LCMT1: variants seen among roughly 807,000 people sequenced by gnomAD.
The protein encoded by LCMT1 is [Phosphatase 2A protein]-leucine-carboxy methyltransferase 1.
LCMT1 carries 32 observed loss-of-function variants against 47.7 expected under a neutral mutation model. That is an observed-to-expected ratio of 0.67 (90% CI 0.51 to 0.90). The LOEUF (loss-of-function observed/expected upper bound fraction) is 0.90. LCMT1 is among the 40% of genes least tolerant of loss of function. The pLI is 0.00. For synonymous variants in LCMT1, 152 were observed against 149.7 expected (o/e 1.02, Z -0.11); for missense variants, 375 against 415.2 (o/e 0.90, Z 0.84).
chr16:25,160,919 A>T, intron 5 of LCMT1, 183 bp from the exon 6 acceptor site: 3 of 640,278 alleles, frequency 4.7e-6, no homozygotes, highest in Non-Finnish European at 8.6e-6. Context: ...GAAATGTTAC[A>T]CACCAAAACA....
At chr16:25,142,986 GC>G (rs1048675784) in intron 4 of LCMT1, 3 of 152,132 alleles carry the variant, frequency 2.0e-5, no homozygotes, top group African/African-American at 7.2e-5. Flanking sequence ...CCCAGTAAGG[GC>G]CCTCCCATTT....
At chr16:25,118,884 G>A (rs189827794) in intron 1 of LCMT1, among the ~76,000 whole-genome samples, 29 of 152,266 alleles carry the variant, frequency 1.9e-4, no homozygotes, top group East Asian at 1.9e-4. Context: ...GGTCACTCGA[G>A]GGAGGCTCTT....
intron 6 of LCMT1, among the ~76,000 whole-genome samples, chr16:25,163,204 C>T (rs1365489421): frequency 1.3e-5 from 2 of 152,196 alleles, no homozygotes; most frequent in Non-Finnish European, 1.5e-5. Context: ...CACGGTGGCT[C>T]ACGCCTGTAA....
At chr16:25,136,511 G>A (rs1960509899) in intron 3 of LCMT1, among the ~76,000 whole-genome samples, 2 of 150,618 alleles carry the variant, frequency 1.3e-5, no homozygotes, top group African/African-American at 4.9e-5. Flanking sequence ...TGTGCAGAAT[G>A]TGCAGGTTTG....
rs73561398 is a variant in LCMT1 at position 25,118,507 on chromosome 16, T to C, written c.113+6511T>C. ...AGCCAAACACAGGATGCAGCTCTTA[T>C]GGAGCATTGGTTCCTGGAGTGGGGG... On this transcript the variant is annotated intron_variant, in intron 1 of 10. Coordinates refer to ENST00000399069, the MANE Select transcript of LCMT1 (RefSeq NM_016309.3). Among the ~76,000 whole-genome samples, 1,332 of 152,258 alleles carry C rather than the reference T, an allele frequency of 8.7e-3. 27 individuals are homozygous for C. Among genetic ancestry groups the C allele is most frequent in the African/African-American group, 0.031 (1,277 of 41,538 alleles).
At chr16:25,172,308 CAA>C (rs35753205) in intron 9 of LCMT1, among the ~76,000 whole-genome samples, 48 of 125,754 alleles carry the variant, frequency 3.8e-4, no homozygotes, top group African/African-American at 1.4e-3. Flanking sequence ...AACTCTGTCT[CAA>C]AAAAAAAAAA....
chr16:25,116,224 A>C (rs571223136), intron 1 of LCMT1, among the ~76,000 whole-genome samples: 4 of 152,284 alleles, frequency 2.6e-5, no homozygotes, highest in East Asian at 3.9e-4. Flanking sequence ...TACTGAAAGC[A>C]GGTGGGAAAA....
intron 5 of LCMT1, among the ~76,000 whole-genome samples, chr16:25,156,778 T>C (rs1961268867): frequency 6.6e-6 from 1 of 152,188 alleles, no homozygotes; most frequent in South Asian, 2.1e-4. Flanking sequence ...TTCTCTCTCT[T>C]TCCCACTGGA....
chr16:25,169,050 G>A, intron 7 of LCMT1, 62 bp from the exon 8 acceptor site: 1 of 1,177,336 alleles, frequency 8.5e-7, no homozygotes, highest in Non-Finnish European at 1.3e-6. Flanking sequence ...GATGAATGAT[G>A]TTTTATTTTG....
intron 3 of LCMT1, among the ~76,000 whole-genome samples, chr16:25,139,595 A>G (rs980259211): frequency 1.3e-5 from 2 of 152,114 alleles, no homozygotes; most frequent in African/African-American, 4.8e-5. Context: ...GTTTTAACCT[A>G]TTTCACCCAA....
chr16:25,139,835 A>T (rs1960626663), intron 3 of LCMT1, among the ~76,000 whole-genome samples: 1 of 152,186 alleles, frequency 6.6e-6, no homozygotes, highest in African/African-American at 2.4e-5. Context: ...CCTGGCCTCA[A>T]GCTGCCTTTT....
intron 4 of LCMT1, among the ~76,000 whole-genome samples, chr16:25,150,997 G>A (rs947141795): frequency 5.9e-5 from 9 of 152,100 alleles, no homozygotes; most frequent in African/African-American, 1.9e-4. Flanking sequence ...GATGGTTTCC[G>A]GGGACAGAAA....
At chr16:25,165,750 C>T (rs916074737) in intron 7 of LCMT1, among the ~76,000 whole-genome samples, 5 of 151,846 alleles carry the variant, frequency 3.3e-5, no homozygotes, top group Non-Finnish European at 7.4e-5. Flanking sequence ...CTCATGACCT[C>T]AAGTGATCTG....
At chr16:25,160,326 C>G (rs983756349) in intron 5 of LCMT1, among the ~76,000 whole-genome samples, 1 of 148,658 alleles carries the variant, frequency 6.7e-6, no homozygotes, top group Non-Finnish European at 1.5e-5. Context: ...TGGTTTAGCA[C>G]GCCACCCAGT....
intron 1 of LCMT1, among the ~76,000 whole-genome samples, chr16:25,121,606 A>C (rs1959989705): frequency 6.6e-6 from 1 of 152,122 alleles, no homozygotes; most frequent in African/African-American, 2.4e-5. Context: ...CCATTGCTGG[A>C]GAGGCCTCAG....
At chr16:25,153,315 C>T (rs1040381402) in intron 5 of LCMT1, among the ~76,000 whole-genome samples, 1 of 152,210 alleles carries the variant, frequency 6.6e-6, no homozygotes, top group Middle Eastern at 3.2e-3. Context: ...ATAAAAAGAA[C>T]AGAGACTTAG....
intron 5 of LCMT1, among the ~76,000 whole-genome samples, chr16:25,159,358 C>T (rs1009605689): frequency 1.8e-4 from 28 of 152,202 alleles, no homozygotes; most frequent in African/African-American, 6.8e-4. Flanking sequence ...CAGCCTTGAG[C>T]TCCTGGGCTC....
intron 5 of LCMT1, among the ~76,000 whole-genome samples, chr16:25,157,376 AC>A (rs967098832): frequency 3.3e-5 from 5 of 150,818 alleles, no homozygotes; most frequent in African/African-American, 1.2e-4. Flanking sequence ...AGACCCGCCC[AC>A]CCCCCATCTA....
rs60210218 is a variant in LCMT1 at position 25,139,867 on chromosome 16, C to T, written c.328-304C>T. ...TTTTGAAAATACGGAGTATATTCTACTTCCAAAGCACCTCTCAGCTCCTCC... is the reference window on the plus strand; with the variant it reads ...TTTTGAAAATACGGAGTATATTCTATTTCCAAAGCACCTCTCAGCTCCTCC... On this transcript the variant is annotated intron_variant, in intron 3 of 10. Transcript: ENST00000399069. Among the ~76,000 whole-genome samples, 1,334 of 152,268 alleles carry T rather than the reference C, an allele frequency of 8.8e-3. 19 individuals are homozygous for T. The highest frequency in any genetic ancestry group is 0.031 in the African/African-American group (1,271 of 41,536).
Sources: allele counts gnomAD v4.1 joint callset (sites outside exome capture counted in the v4.1 genomes callset), GRCh38; gene constraint gnomAD v4.1.1; transcripts MANE v1.5; gene names NCBI Gene and HGNC (gene_info 2026-07-23, HGNC 2026-07-21).